Variants in LRRFIP1 observed in about 807,000 individuals in gnomAD.
The protein encoded by LRRFIP1 is leucine-rich repeat flightless-interacting protein 1.
Under a neutral mutation model 104.4 loss-of-function variants are expected in LRRFIP1, and 62 were observed. The ratio of observed to expected loss-of-function variants is 0.59; its 90% CI spans 0.48 to 0.73. The LOEUF (loss-of-function observed/expected upper bound fraction) is 0.73. Among genes scored for constraint, LRRFIP1 ranks in the 30% least tolerant of loss-of-function variants. The pLI is 0.00. For synonymous variants in LRRFIP1, 300 were observed against 299.0 expected (o/e 1.00, Z -0.03); for missense variants, 796 against 824.5 (o/e 0.97, Z 0.42).
At chr2:237,672,063 C>A (rs2090438436) in intron 1 of LRRFIP1, among the ~76,000 whole-genome samples, 1 of 151,830 alleles carries the variant, frequency 6.6e-6, no homozygotes, top group South Asian at 2.1e-4. Flanking sequence ...TTCAGTGTTT[C>A]AGTAAATAGT....
chr2:237,680,485 G>T (rs2091688536), intron 1 of LRRFIP1, among the ~76,000 whole-genome samples: 2 of 152,192 alleles, frequency 1.3e-5, no homozygotes, highest in Non-Finnish European at 2.9e-5. Flanking sequence ...ACCTAGAGAT[G>T]ATTCAAGTAC....
At chr2:237,740,802 A>T (rs577091829) in intron 11 of LRRFIP1, among the ~76,000 whole-genome samples, 6 of 151,890 alleles carry the variant, frequency 4.0e-5, no homozygotes, top group African/African-American at 1.2e-4. Context: ...CACAGCCTCC[A>T]CCCCACCCAC....
chr2:237,713,049 A>G (rs760771633), intron 2 of LRRFIP1, among the ~76,000 whole-genome samples: 9 of 152,028 alleles, frequency 5.9e-5, no homozygotes, highest in Non-Finnish European at 7.4e-5. Context: ...GTTTCTGAGC[A>G]GGCTCAGGGT....
At position 237,735,049 on chromosome 2, in the gene LRRFIP1, C is replaced by T. The variant is rs1467775514; in HGVS notation, c.490-219C>T. ...ATGGTCTGTTGGAGATTACATTGCA[C>T]ACCTCCTGACAACGACTAAAACCGG... On this transcript the variant is annotated intron_variant, in intron 9 of 23. Transcript: ENST00000308482. This position sits in a 1 kb window ranked among gnomAD's most constrained non-coding sequence, Gnocchi z 4.6. Among the ~76,000 whole-genome samples, 5 of 152,176 alleles carry T rather than the reference C, an allele frequency of 3.3e-5. No homozygotes were observed. The highest frequency in any genetic ancestry group is 1.9e-4 in the East Asian group (1 of 5,198).
At chr2:237,706,290 G>A (rs2093802909) in intron 1 of LRRFIP1, among the ~76,000 whole-genome samples, 1 of 152,224 alleles carries the variant, frequency 6.6e-6, no homozygotes, top group South Asian at 2.1e-4. Flanking sequence ...CCTTCTGGTG[G>A]CCCTTCTTTC....
At chr2:237,765,306 C>A in intron 19 of LRRFIP1, 3 of 191,992 alleles carry the variant, frequency 1.6e-5, no homozygotes, top group Non-Finnish European at 2.8e-5. Context: ...ACAATGTTTT[C>A]ACGCCTGTAA....
intron 3 of LRRFIP1, among the ~76,000 whole-genome samples, chr2:237,716,621 T>C (rs1416072260): frequency 6.6e-6 from 1 of 152,270 alleles, no homozygotes; most frequent in East Asian, 1.9e-4. Flanking sequence ...AAAAATGGTC[T>C]TGTATTTCTA....
rs749997604 is a variant in LRRFIP1 at position 237,758,793 on chromosome 2, A to T, written c.1289A>T (p.Glu430Val). Reference protein sequence around the residue: ...VRSERDDLREEVVMLKEELKK... With the variant: ...VRSERDDLREVVVMLKEELKK... ...AGTGAACGGGATGATCTTAGAGAAG[A>T]AGTAGTCATGCTGAAAGAGGAATTA... The change falls in exon 18 of 24, where the codon GAA (glutamate) becomes GTA (valine). Residue 430 changes from glutamate (E) to valine (V), a missense_variant. Glu to Val is a moderately radical substitution (Grantham distance 121). Transcript: ENST00000308482. The T allele has an allele frequency of 6.2e-6, 10 of 1,613,144 alleles. No homozygotes were observed. The highest frequency in any genetic ancestry group is 5.0e-5 in the Admixed American group (3 of 59,902).
chr2:237,702,013 C>T (rs2093562227), intron 1 of LRRFIP1, among the ~76,000 whole-genome samples: 2 of 152,146 alleles, frequency 1.3e-5, no homozygotes, highest in Admixed American at 6.5e-5. Flanking sequence ...GCAGATGGGG[C>T]TCCCAGGGAG....
rs552665228 is a variant in LRRFIP1 at position 237,728,008 on chromosome 2, T to A, written c.444+73T>A. ...AAAGCTTCTAGAACTAAAAACTAAT[T>A]GCTAAATTTAAATTTAGCTTCTTTG... On this transcript the variant is annotated intron_variant, in intron 8 of 23. Transcript: ENST00000308482. The A allele has an allele frequency of 1.3e-4, 141 of 1,095,112 alleles. 1 individual carries two copies. The East Asian group carries it at 3.5e-3, about 27-fold the overall frequency. 67.8% of individuals were successfully genotyped at this position (1,095,112 alleles called of 1,614,324 possible).
At chr2:237,749,452 C>T (rs932944314) in intron 13 of LRRFIP1, 128 bp downstream of exon 13, 2 of 1,100,774 alleles carry the variant, frequency 1.8e-6, no homozygotes, top group Non-Finnish European at 1.3e-6. Flanking sequence ...CCCTCACCTC[C>T]CCTAAAATAC....
At chr2:237,658,908 G>A (rs1410547166) in intron 1 of LRRFIP1, among the ~76,000 whole-genome samples, 3 of 151,188 alleles carry the variant, frequency 2.0e-5, no homozygotes, top group Non-Finnish European at 4.4e-5. Context: ...TGGTTAGCCT[G>A]AAGGTATGAA....
At chr2:237,659,556 A>G (rs1044132499) in intron 1 of LRRFIP1, among the ~76,000 whole-genome samples, 3 of 148,698 alleles carry the variant, frequency 2.0e-5, no homozygotes, top group Non-Finnish European at 4.5e-5. Context: ...TTTTTACCAA[A>G]AAAACTATAT....
chr2:237,664,828 G>A (rs904321651), intron 1 of LRRFIP1, among the ~76,000 whole-genome samples: 2 of 152,150 alleles, frequency 1.3e-5, no homozygotes, highest in African/African-American at 2.4e-5. Context: ...AAATTGCTGG[G>A]TTCAAAGGAT....
chr2:237,671,192 G>A (rs927934718), intron 1 of LRRFIP1, among the ~76,000 whole-genome samples: 20 of 152,156 alleles, frequency 1.3e-4, no homozygotes, highest in Non-Finnish European at 2.9e-5. Context: ...GTGACCCATG[G>A]ACTTGTGTCC....
intron 11 of LRRFIP1, among the ~76,000 whole-genome samples, chr2:237,747,686 G>A (rs1422311193): frequency 6.6e-6 from 1 of 152,174 alleles, no homozygotes; most frequent in East Asian, 1.9e-4. Flanking sequence ...CCGATTTTCT[G>A]ACAATCAAAG....
chr2:237,767,361 A>G (rs2060310709), intron 19 of LRRFIP1, among the ~76,000 whole-genome samples: 1 of 152,204 alleles, frequency 6.6e-6, no homozygotes, highest in East Asian at 1.9e-4. Flanking sequence ...TCACTATCAT[A>G]CAGAATAGAG....
chr2:237,778,313 G>A (rs2061262506), intron 23 of LRRFIP1, among the ~76,000 whole-genome samples: 5 of 152,192 alleles, frequency 3.3e-5, no homozygotes, highest in South Asian at 4.1e-4. Context: ...GTTTTGGGTC[G>A]AAAGCAGAGC....
At chr2:237,753,532 A>G (rs551955184) in intron 15 of LRRFIP1, 53 bp downstream of exon 15, 151 of 1,446,264 alleles carry the variant, frequency 1.0e-4, no homozygotes, top group Non-Finnish European at 1.3e-4. Context: ...GCAGTGGCCC[A>G]TGCCTGTAAT....
Sources: gnomAD v4.1 joint callset for allele counts (sites outside exome capture counted in the v4.1 genomes callset) on GRCh38, gnomAD v4.1.1 for gene constraint, Gnocchi (gnomAD v3.1) non-coding constraint, MANE v1.5 for transcripts, NCBI Gene and HGNC (gene_info 2026-07-23, HGNC 2026-07-21) for gene names.